Variants in CDC42BPA observed in about 807,000 individuals in gnomAD.
The protein encoded by CDC42BPA is serine/threonine-protein kinase MRCK alpha.
CDC42BPA carries 80 observed loss-of-function variants against 223.5 expected under a neutral mutation model. The observed-to-expected ratio is 0.36, with a 90% CI of 0.30 to 0.43. CDC42BPA has a LOEUF of 0.43. CDC42BPA is among the 20% of genes least tolerant of loss of function. The pLI is 1.00. For synonymous variants in CDC42BPA, 694 were observed against 718.6 expected, an observed-to-expected ratio of 0.97 and a Z score of 0.55; for missense variants, 1,743 against 2,099.9, an observed-to-expected ratio of 0.83 and a Z score of 3.32.
chr1:227,212,720 C>T (rs1674149275), intron 3 of CDC42BPA, among the ~76,000 whole-genome samples: 1 of 152,154 alleles, frequency 6.6e-6, no homozygotes, highest in Non-Finnish European at 1.5e-5. Flanking sequence ...ACTGCATAAT[C>T]AGCATTAAAC....
In CDC42BPA at chr1:227,187,682, C is replaced by CG. The variant is rs56343562; in HGVS notation, c.599+6103_599+6104insC. Among the ~76,000 whole-genome samples, 222 of 24,922 alleles carry CG rather than the reference C, an allele frequency of 8.9e-3. 9 individuals carry two copies. The Middle Eastern group carries it at 0.11, about 12-fold the overall frequency. The allele number at this position is 24,922 out of a possible 152,430, so 16.3% of individuals were successfully genotyped here. On this transcript the variant is annotated intron_variant, in intron 5 of 36. Transcript: ENST00000366766. ...AGAAGGATAAATGGCACCCCCCACC[C>CG]CCCCCCCAAAAAAAAAAAACTATAC...
chr1:227,164,291 AAT>A (rs753146379), intron 5 of CDC42BPA, among the ~76,000 whole-genome samples: 10 of 152,204 alleles, frequency 6.6e-5, no homozygotes, highest in Non-Finnish European at 1.3e-4. Context: ...GAATTAGCTT[AAT>A]ATGTTCTATA....
chr1:227,186,955 G>A (rs1274335942), intron 5 of CDC42BPA, among the ~76,000 whole-genome samples: 1 of 152,080 alleles, frequency 6.6e-6, no homozygotes, highest in African/African-American at 2.4e-5. Context: ...GTAAATTCTT[G>A]GTAACAACTT....
chr1:227,001,106 C>T (rs1041362287), intron 35 of CDC42BPA, among the ~76,000 whole-genome samples: 1 of 152,226 alleles, frequency 6.6e-6, no homozygotes, highest in Non-Finnish European at 1.5e-5. Flanking sequence ...GTGAGCACCG[C>T]TGTTTCAATC....
At chr1:227,099,848 C>T (rs950031548) in intron 15 of CDC42BPA, among the ~76,000 whole-genome samples, 38 of 152,174 alleles carry the variant, frequency 2.5e-4, no homozygotes, top group African/African-American at 7.5e-4. Context: ...CTTCATAGAA[C>T]GGATTTCCTC....
Position 227,016,105 on chromosome 1 carries a change from A to G in CDC42BPA, c.4832T>C (p.Ile1611Thr). The change falls in exon 34 of 37, where the codon ATA becomes ACA. Residue 1611 changes from isoleucine to threonine, a missense_variant. Around this residue, in one of 6 missense-constraint regions of CDC42BPA, gnomAD observed 200 missense variants for 192.8 expected, o/e 1.04. Transcript: ENST00000366766. ...HIAHMGPGDG[I>T]QILKDLPMNP... ...CATGGGCAGATCTTTCAGGATCTGT[A>G]TTCCATCTCCAGGACCCATGTGTGC... 6.3e-7 allele frequency: 1 copy of G among 1,594,334 alleles called. No individual in the cohort carries two copies. The highest frequency in any genetic ancestry group is 1.7e-5 in the Admixed American group (1 of 59,900).
At chr1:227,268,739 G>A (rs924426740) in intron 1 of CDC42BPA, among the ~76,000 whole-genome samples, 9 of 149,726 alleles carry the variant, frequency 6.0e-5, no homozygotes, top group African/African-American at 2.0e-4. Context: ...AGGCTGGAGT[G>A]TACTGGCGTG....
intron 27 of CDC42BPA, 146 bp downstream of exon 27, chr1:227,033,188 A>G: frequency 2.0e-6 from 1 of 512,242 alleles, no homozygotes; most frequent in Non-Finnish European, 3.5e-6. Flanking sequence ...AATTTTCTAT[A>G]CCTTCAAGTA....
intron 2 of CDC42BPA, among the ~76,000 whole-genome samples, chr1:227,221,835 T>C (rs1675948261): frequency 6.6e-6 from 1 of 151,788 alleles, no homozygotes; most frequent in Non-Finnish European, 1.5e-5. Context: ...TCACAGAAAC[T>C]AGAACTCCCT....
At chr1:227,291,053 T>C (rs1689605974) in intron 1 of CDC42BPA, among the ~76,000 whole-genome samples, 1 of 152,062 alleles carries the variant, frequency 6.6e-6, no homozygotes, top group Non-Finnish European at 1.5e-5. Flanking sequence ...ACCTCAATAA[T>C]CTTATTGGCA....
chr1:227,065,515 CCAAA>C (rs2149000311), intron 21 of CDC42BPA, among the ~76,000 whole-genome samples: 1 of 152,248 alleles, frequency 6.6e-6, no homozygotes, highest in African/African-American at 2.4e-5. Context: ...CAAGTATTGG[CCAAA>C]CAATGTGACT....
chr1:227,300,204 T>C lies in CDC42BPA; in HGVS notation c.178+16801A>G, dbSNP rs79087156. Reference sequence around the variant, plus strand: ...GGATGTGGTGAAAAGCGAACACTTATAGACTGCTACTGGGAACGTAAGTTA... The same window carrying C: ...GGATGTGGTGAAAAGCGAACACTTACAGACTGCTACTGGGAACGTAAGTTA... On this transcript the variant is annotated intron_variant, in intron 1 of 36. Transcript: ENST00000366766. 3.3e-5 allele frequency among the ~76,000 whole-genome samples: 5 copies of C among 152,326 alleles called. No individual in the cohort carries two copies. In the East Asian group the frequency reaches 5.8e-4, roughly 18 times the overall value.
intron 1 of CDC42BPA, among the ~76,000 whole-genome samples, chr1:227,272,139 A>G (rs1686059684): frequency 6.6e-6 from 1 of 152,192 alleles, no homozygotes; most frequent in African/African-American, 2.4e-5. Flanking sequence ...AGAGAATGTA[A>G]AGATAATTTT....
intron 34 of CDC42BPA, among the ~76,000 whole-genome samples, chr1:227,012,115 T>TA (rs1216800214): frequency 6.6e-6 from 1 of 152,202 alleles, no homozygotes; most frequent in Non-Finnish European, 1.5e-5. Context: ...ACTTTGACTT[T>TA]AAGAAGCAAA....
rs775092220 is a variant in CDC42BPA, at chr1:227,139,763, T to C, written c.1224-21A>G. On this transcript the variant is annotated intron_variant, in intron 9 of 36. Transcript: ENST00000366766. Reference sequence around the variant, plus strand: ...GTACACTGAAGAAAAGAAAAAAAAATGTAGGTTCATACTGTGATAAAAAGC... The same window carrying C: ...GTACACTGAAGAAAAGAAAAAAAAACGTAGGTTCATACTGTGATAAAAAGC... 8.2e-6 allele frequency: 12 copies of C among 1,467,638 alleles called. 1 individual carries two copies. The highest frequency in any genetic ancestry group is 2.9e-5 in the African/African-American group (2 of 69,314). 90.9% of individuals were successfully genotyped at this position (1,467,638 alleles called of 1,614,324 possible). A position where few individuals can be genotyped will look rare whatever the true frequency, so the allele number is the denominator to read the frequency against.
At chr1:227,255,065 CTTA>C (rs1682811024) in intron 1 of CDC42BPA, among the ~76,000 whole-genome samples, 1 of 152,298 alleles carries the variant, frequency 6.6e-6, no homozygotes, top group East Asian at 1.9e-4. Flanking sequence ...TAGATGTAAT[CTTA>C]TTAATAATTT....
chr1:227,098,979 A>G (rs552444362), intron 15 of CDC42BPA, among the ~76,000 whole-genome samples: 1 of 152,162 alleles, frequency 6.6e-6, no homozygotes, highest in South Asian at 2.1e-4. Flanking sequence ...CAACTTTATT[A>G]TAATCTTATG....
rs1666192683 is a variant in CDC42BPA, at chr1:227,016,134, G to A, written c.4803C>T (p.His1601=). Residue 1601 remains histidine, a synonymous_variant, in exon 34 of 37, where the codon CAC becomes CAT. Coordinates refer to ENST00000366766, the MANE Select transcript of CDC42BPA (RefSeq NM_001394014.1). ...CATCTCCAGGACCCATGTGTGCTATGTGATTAAAATTAGTTGGATTAGAAA... is the reference window on the plus strand; with the variant it reads ...CATCTCCAGGACCCATGTGTGCTATATGATTAAAATTAGTTGGATTAGAAA... ...KLISNPTNFN[H]IAHMGPGDGI... is the part of the protein sequence containing the mutation. 6.2e-7 allele frequency: 1 copy of A among 1,606,028 alleles called. No individual in the cohort carries two copies. Among genetic ancestry groups the A allele is most frequent in the Non-Finnish European group, 8.5e-7 (1 of 1,173,140 alleles).
intron 2 of CDC42BPA, among the ~76,000 whole-genome samples, chr1:227,221,184 A>T (rs1173271008): frequency 6.6e-6 from 1 of 152,180 alleles, no homozygotes; most frequent in African/African-American, 2.4e-5. Context: ...GACAATTAAT[A>T]TACTTCTCTA....
Sources: allele counts gnomAD v4.1 joint callset (sites outside exome capture counted in the v4.1 genomes callset), GRCh38; gene constraint gnomAD v4.1.1; regional missense constraint gnomAD v4.1.1; transcripts MANE v1.5; gene names NCBI Gene and HGNC (gene_info 2026-07-23, HGNC 2026-07-21).